Variants in NEGR1 observed in about 807,000 individuals in gnomAD.
NEGR1 encodes the protein neuronal growth regulator 1.
Under a neutral mutation model 40.9 loss-of-function variants are expected in NEGR1, and 10 were observed. That is an observed-to-expected ratio of 0.24 (90% CI 0.15 to 0.42). The LOEUF is 0.42. Among genes scored for constraint, NEGR1 ranks in the 10% least tolerant of loss-of-function variants. NEGR1 has a pLI of 1.00. For synonymous variants in NEGR1, 185 were observed against 166.8 expected (o/e 1.11, Z -0.84); for missense variants, 352 against 438.9 (o/e 0.80, Z 1.77).
chr1:71,862,402 T>C (rs1659977016), intron 2 of NEGR1, among the ~76,000 whole-genome samples: 1 of 152,066 alleles, frequency 6.6e-6, no homozygotes, highest in Admixed American at 6.6e-5. Context: ...CATCATAAGA[T>C]AACTACCTCA....
chr1:71,883,584 T>G (rs1478748342), intron 2 of NEGR1, among the ~76,000 whole-genome samples: 1 of 152,166 alleles, frequency 6.6e-6, no homozygotes, highest in East Asian at 1.9e-4. Flanking sequence ...TTTTCTTTTT[T>G]TATTATTATA....
chr1:71,761,510 T>C (rs983292171), intron 3 of NEGR1, among the ~76,000 whole-genome samples: 1 of 152,214 alleles, frequency 6.6e-6, no homozygotes, highest in African/African-American at 2.4e-5. Flanking sequence ...ATTGACAGTT[T>C]ACAATATTAA....
intron 6 of NEGR1, among the ~76,000 whole-genome samples, chr1:71,561,394 A>G (rs987818751): frequency 5.9e-5 from 9 of 151,680 alleles, no homozygotes; most frequent in African/African-American, 1.9e-4. Flanking sequence ...ATGATAAACT[A>G]TGAGATCACA....
intron 1 of NEGR1, among the ~76,000 whole-genome samples, chr1:72,142,426 T>A (rs1650716331): frequency 6.6e-6 from 1 of 151,888 alleles, no homozygotes; most frequent in Admixed American, 6.6e-5. Flanking sequence ...TTGTCCTATA[T>A]TTCATCAAAA....
chr1:71,702,340 T>C (rs1653725378), intron 3 of NEGR1, among the ~76,000 whole-genome samples: 1 of 152,084 alleles, frequency 6.6e-6, no homozygotes, highest in African/African-American at 2.4e-5. Flanking sequence ...GTATGATAAC[T>C]ACTACATTTG....
In NEGR1 at chr1:72,199,150, CAGAGAGAGAGAG is replaced by C. The variant is rs34602311; in HGVS notation, c.176+83157_176+83168del. Among the ~76,000 whole-genome samples, 4 of 115,162 alleles carry C rather than the reference CAGAGAGAGAGAG, an allele frequency of 3.5e-5. No homozygotes were observed. The Admixed American group carries it at 3.6e-4, about 10-fold the overall frequency. The allele number at this position is 115,162 out of a possible 152,430, so 75.6% of individuals were successfully genotyped here. On this transcript the variant is annotated intron_variant, in intron 1 of 6. Coordinates refer to ENST00000357731, the MANE Select transcript of NEGR1 (RefSeq NM_173808.3). ...TTGGAGATCTATCTAGATAGACAGA[CAGAGAGAGAGAG>C]AGAGAGAGAGAGAGAGAGAGAGACT... is the stretch of plus-strand genomic sequence containing the variant.
In NEGR1 at chr1:71,927,818, T is replaced by TAAAAAAAAAAAAAA. The variant is rs35429988; in HGVS notation, c.409+7247_409+7260dup. Among the ~76,000 whole-genome samples, 8 of 22,448 alleles carry TAAAAAAAAAAAAAA rather than the reference T, an allele frequency of 3.6e-4. 2 individuals are homozygous for TAAAAAAAAAAAAAA. Among genetic ancestry groups the TAAAAAAAAAAAAAA allele is most frequent in the African/African-American group, 1.2e-3 (6 of 5,096 alleles). 14.7% of individuals were successfully genotyped at this position (22,448 alleles called of 152,430 possible). On this transcript the variant is annotated intron_variant, in intron 2 of 6. Transcript: ENST00000357731. ...GGGCAACATGGCAAGACCCAATCTC[T>TAAAAAAAAAAAAAA]AAAAAAAAAAAAAAAAAAAAAAAAA...
chr1:71,537,011 A>G (rs17503709), intron 6 of NEGR1, among the ~76,000 whole-genome samples: 15,451 of 151,714 alleles, frequency 0.1, 1,116 homozygotes, highest in Non-Finnish European at 0.14. Flanking sequence ...GAGTTCATTG[A>G]TTCAGTATTT....
intron 2 of NEGR1, among the ~76,000 whole-genome samples, chr1:71,907,801 C>A (rs1217906187): frequency 6.6e-6 from 1 of 152,028 alleles, no homozygotes; most frequent in African/African-American, 2.4e-5. Flanking sequence ...ACATACACCC[C>A]CCATGGAATA....
At chr1:72,169,098 G>A (rs1047347917) in intron 1 of NEGR1, among the ~76,000 whole-genome samples, 2 of 152,036 alleles carry the variant, frequency 1.3e-5, no homozygotes, top group Non-Finnish European at 2.9e-5. Flanking sequence ...TAAGAAAAAT[G>A]TATTAATTAT....
At chr1:71,798,277 A>G (rs1657414619) in intron 2 of NEGR1, 1 of 152,180 alleles carries the variant, frequency 6.6e-6, no homozygotes, top group Non-Finnish European at 1.5e-5. Flanking sequence ...GCAACTGAAA[A>G]AAATACAGAA....
At chr1:71,664,846 T>G (rs550540616) in intron 4 of NEGR1, among the ~76,000 whole-genome samples, 1 of 152,298 alleles carries the variant, frequency 6.6e-6, no homozygotes, top group African/African-American at 2.4e-5. Context: ...TGCAGCAGAA[T>G]AGTAGGCTGC....
intron 1 of NEGR1, among the ~76,000 whole-genome samples, chr1:72,183,790 G>A (rs1311048531): frequency 6.6e-6 from 1 of 152,048 alleles, no homozygotes; most frequent in African/African-American, 2.4e-5. Context: ...ATAAGAACTT[G>A]AGAGGATGTT....
intron 1 of NEGR1, among the ~76,000 whole-genome samples, chr1:72,107,630 A>G (rs1649189512): frequency 6.6e-6 from 1 of 151,488 alleles, no homozygotes. Flanking sequence ...TTTCTTCTCA[A>G]AAGCTAATGT....
intron 2 of NEGR1, among the ~76,000 whole-genome samples, chr1:71,814,573 C>G (rs1449807222): frequency 6.6e-6 from 1 of 152,040 alleles, no homozygotes; most frequent in Non-Finnish European, 1.5e-5. Flanking sequence ...CTATTTATTA[C>G]TGTCTGAATT....
At chr1:71,589,262 C>T (rs1649417474) in intron 6 of NEGR1, among the ~76,000 whole-genome samples, 1 of 152,170 alleles carries the variant, frequency 6.6e-6, no homozygotes, top group African/African-American at 2.4e-5. Flanking sequence ...TGACCCTCCT[C>T]AGGCATCTCC....
chr1:71,734,782 T>A (rs1654994789), intron 3 of NEGR1, among the ~76,000 whole-genome samples: 2 of 152,158 alleles, frequency 1.3e-5, no homozygotes, highest in African/African-American at 4.8e-5. Flanking sequence ...AGTGCCCTAA[T>A]AATTTTAAAT....
At chr1:71,493,418 A>T (rs943258320) in intron 6 of NEGR1, among the ~76,000 whole-genome samples, 2 of 152,122 alleles carry the variant, frequency 1.3e-5, no homozygotes, top group African/African-American at 4.8e-5. Flanking sequence ...TGATAGAAAA[A>T]TTCCCCTTGT....
At chr1:71,807,941 A>G (rs1474973220) in intron 2 of NEGR1, among the ~76,000 whole-genome samples, 2 of 152,228 alleles carry the variant, frequency 1.3e-5, no homozygotes, top group East Asian at 1.9e-4. Context: ...CCACTCTCCA[A>G]GAAAATATCT....
Sources: gnomAD v4.1 joint callset for allele counts (sites outside exome capture counted in the v4.1 genomes callset) on GRCh38, gnomAD v4.1.1 for gene constraint, MANE v1.5 for transcripts, NCBI Gene and HGNC (gene_info 2026-07-23, HGNC 2026-07-21) for gene names.